Variants in PTPRN2 observed in about 807,000 individuals in gnomAD.
PTPRN2 encodes the protein receptor-type tyrosine-protein phosphatase N2.
A neutral mutation model predicts 118.8 loss-of-function variants in PTPRN2; 74 were observed. The observed-to-expected ratio is 0.62, with a 90% CI of 0.52 to 0.76. The LOEUF (loss-of-function observed/expected upper bound fraction) is 0.76. Among genes scored for constraint, PTPRN2 ranks in the 30% least tolerant of loss-of-function variants. The probability of loss-of-function intolerance (pLI) is 0.00; values close to 1 mark genes in which losing one functional copy is unlikely to be tolerated. For missense variants in PTPRN2, 1,481 were observed against 1,394.4 expected, an observed-to-expected ratio of 1.06 and a Z score of -0.99; for synonymous variants, 641 against 608.0, an observed-to-expected ratio of 1.05 and a Z score of -0.80.
intron 12 of PTPRN2, among the ~76,000 whole-genome samples, chr7:157,840,989 G>A (rs895521282): frequency 1.3e-5 from 2 of 152,240 alleles, no homozygotes; most frequent in African/African-American, 2.4e-5. Context: ...CCAGTCTGCA[G>A]GGCAACCTGC....
intron 14 of PTPRN2, among the ~76,000 whole-genome samples, chr7:157,635,288 G>A (rs988193429): frequency 3.3e-5 from 5 of 152,222 alleles, no homozygotes; most frequent in African/African-American, 4.8e-5. Context: ...AGGCACCCAC[G>A]GAATTTCATT....
At chr7:157,594,505 G>A (rs1369650159) in intron 17 of PTPRN2, among the ~76,000 whole-genome samples, 24 of 152,334 alleles carry the variant, frequency 1.6e-4, no homozygotes, top group Admixed American at 1.6e-3. Flanking sequence ...CATGGGTGAC[G>A]CGTCGCTTCC....
At chr7:158,231,418 G>A (rs910373067) in intron 3 of PTPRN2, among the ~76,000 whole-genome samples, 1 of 152,098 alleles carries the variant, frequency 6.6e-6, no homozygotes, top group Admixed American at 6.6e-5. Context: ...ATCAGCAAGA[G>A]GATATAAAAT....
In PTPRN2 at chr7:157,933,364, T is replaced by C. The variant is rs190347424; in HGVS notation, c.1724-34627A>G. ...TTAGAGGAGGGGTGAGTCACTCTGA[T>C]TGACAGCTTTAGAGGAAGGGTGAGT... On this transcript the variant is annotated intron_variant, in intron 11 of 22. Coordinates refer to ENST00000389418, the MANE Select transcript of PTPRN2 (RefSeq NM_002847.5). Among the ~76,000 whole-genome samples the C allele has an allele frequency of 3.6e-3, 531 of 145,808 alleles. 15 individuals are homozygous for C. Among genetic ancestry groups the C allele is most frequent in the Admixed American group, 0.032 (463 of 14,584 alleles).
At chr7:158,490,267 G>A (rs1024805568) in intron 1 of PTPRN2, among the ~76,000 whole-genome samples, 1 of 152,212 alleles carries the variant, frequency 6.6e-6, no homozygotes, top group Non-Finnish European at 1.5e-5. Flanking sequence ...AAACCGTGGC[G>A]TCCGTGGCCA....
chr7:158,192,227 C>G lies in PTPRN2; in HGVS notation c.549+100G>C, dbSNP rs538558702. ...GATGCCCGCTGGCCCGGGAAACAGG[C>G]GCAAAGCCAAGAGGAGCCAGCGACT... On this transcript the variant is annotated intron_variant, in intron 5 of 22. Coordinates refer to ENST00000389418, the MANE Select transcript of PTPRN2 (RefSeq NM_002847.5). The G allele has an allele frequency of 3.6e-5, 47 of 1,291,056 alleles. No individual in the cohort carries two copies. The South Asian group carries it at 9.5e-4, about 26-fold the overall frequency. 80.0% of individuals were successfully genotyped at this position (1,291,056 alleles called of 1,614,324 possible).
At chr7:157,723,347 C>T (rs1799350777) in intron 12 of PTPRN2, among the ~76,000 whole-genome samples, 2 of 152,170 alleles carry the variant, frequency 1.3e-5, no homozygotes. Flanking sequence ...CTGAATGCCT[C>T]CCCTGGTGTC....
At chr7:158,428,706 G>A (rs573840059) in intron 2 of PTPRN2, among the ~76,000 whole-genome samples, 17 of 152,246 alleles carry the variant, frequency 1.1e-4, no homozygotes, top group African/African-American at 3.6e-4. Flanking sequence ...CAAGGGGGCC[G>A]GGCGGTGAAC....
chr7:158,390,051 A>C (rs745832472), intron 2 of PTPRN2, among the ~76,000 whole-genome samples: 6 of 152,302 alleles, frequency 3.9e-5, no homozygotes, highest in Non-Finnish European at 7.4e-5. Flanking sequence ...AAGCCTCTCA[A>C]ACGTCTACAC....
intron 11 of PTPRN2, among the ~76,000 whole-genome samples, chr7:158,064,131 C>T (rs1306040462): frequency 6.6e-6 from 1 of 152,242 alleles, no homozygotes; most frequent in Non-Finnish European, 1.5e-5. Flanking sequence ...AGGTCTCAGC[C>T]TCTAAGTACA....
chr7:157,603,980 CCT>C lies in PTPRN2; in HGVS notation c.2418+20_2418+21del. The C allele has an allele frequency of 1.9e-6, 3 of 1,611,602 alleles. No homozygotes were observed. The highest frequency in any genetic ancestry group is 2.5e-6 in the Non-Finnish European group (3 of 1,178,142). ...GCCACCCAAGGGAAAGCCTGGGGCC[CCT>C]GTCCCGGCAGTGCACTTACGATGGG... On this transcript the variant is annotated intron_variant, in intron 16 of 22. Transcript: ENST00000389418. This position sits in a 1 kb window ranked among gnomAD's most constrained non-coding sequence, Gnocchi z 5.4.
chr7:158,320,010 G>C (rs1237495092), intron 2 of PTPRN2, among the ~76,000 whole-genome samples: 4 of 14,628 alleles, frequency 2.7e-4, no homozygotes, highest in Admixed American at 8.5e-4. Context: ...CACTCACACA[G>C]CCTCCCTCAT....
chr7:157,686,318 A>C (rs1427088749), intron 12 of PTPRN2, among the ~76,000 whole-genome samples: 1 of 152,222 alleles, frequency 6.6e-6, no homozygotes, highest in Non-Finnish European at 1.5e-5. Flanking sequence ...TGTTGGCTGC[A>C]AGTCAGGTCT....
At chr7:158,202,500 G>T (rs1376656578) in intron 4 of PTPRN2, among the ~76,000 whole-genome samples, 1 of 152,172 alleles carries the variant, frequency 6.6e-6, no homozygotes, top group Non-Finnish European at 1.5e-5. Flanking sequence ...AGACTCCTCT[G>T]CCCTCCATGC....
At chr7:158,261,049 T>A (rs1797362940) in intron 3 of PTPRN2, among the ~76,000 whole-genome samples, 1 of 152,124 alleles carries the variant, frequency 6.6e-6, no homozygotes, top group Non-Finnish European at 1.5e-5. Flanking sequence ...GAAGCTGCAC[T>A]GTGATGGGAC....
intron 1 of PTPRN2, among the ~76,000 whole-genome samples, chr7:158,523,513 C>CTGCCCTGAAGCGGA (rs1824416890): frequency 1.6e-5 from 2 of 127,922 alleles, no homozygotes; most frequent in Non-Finnish European, 3.2e-5. Flanking sequence ...GGAGTGGAGT[C>CTGCCCTGAAGCGGA]GTCTGCCCTG....
chr7:158,287,497 A>G (rs1799840900), intron 3 of PTPRN2, among the ~76,000 whole-genome samples: 1 of 152,010 alleles, frequency 6.6e-6, no homozygotes, highest in Admixed American at 6.6e-5. Context: ...GCTGCATCCC[A>G]TAGGTTTTGG....
chr7:158,372,067 G>A (rs941422918), intron 2 of PTPRN2, among the ~76,000 whole-genome samples: 8 of 152,160 alleles, frequency 5.3e-5, no homozygotes, highest in East Asian at 1.9e-4. Context: ...CACACCTTCC[G>A]GGGATGAGCA....
Position 157,667,279 on chromosome 7 carries a change from C to T in PTPRN2, c.2002-10728G>A, listed in dbSNP as rs2707932. Among the ~76,000 whole-genome samples the T allele has an allele frequency of 6.4e-4, 47 of 73,394 alleles. 4 individuals carry two copies. Among genetic ancestry groups the T allele is most frequent in the African/African-American group, 7.0e-4 (13 of 18,666 alleles). 48.1% of individuals were successfully genotyped at this position (73,394 alleles called of 152,430 possible). On this transcript the variant is annotated intron_variant, in intron 13 of 22. Transcript: ENST00000389418. Reference sequence around the variant, plus strand: ...CACAGCCTGGCTTGCACACTCGGCCCGTGGGACACTGATCTCAGGTGGGTG... The same window carrying T: ...CACAGCCTGGCTTGCACACTCGGCCTGTGGGACACTGATCTCAGGTGGGTG...
Sources: allele counts gnomAD v4.1 joint callset (sites outside exome capture counted in the v4.1 genomes callset), GRCh38; gene constraint gnomAD v4.1.1; non-coding constraint Gnocchi (gnomAD v3.1); transcripts MANE v1.5; gene names NCBI Gene and HGNC (gene_info 2026-07-23, HGNC 2026-07-21).